The following SDK2 variants were observed in gnomAD, a reference collection of about 807,000 sequenced individuals.
SDK2 encodes protein sidekick-2.
A neutral mutation model predicts 253.9 loss-of-function variants in SDK2; 105 were observed. That is an observed-to-expected ratio of 0.41 (90% CI 0.35 to 0.49). SDK2 has a LOEUF of 0.49. Among genes scored for constraint, SDK2 ranks in the 20% least tolerant of loss-of-function variants. The pLI is 0.06. For missense variants in SDK2, 2,608 were observed against 3,003.0 expected (o/e 0.87, Z 3.07); for synonymous variants, 1,249 against 1,234.9 (o/e 1.01, Z -0.24).
chr17:73,613,065 C>T (rs2143139521), intron 1 of SDK2, among the ~76,000 whole-genome samples: 1 of 152,358 alleles, frequency 6.6e-6, no homozygotes, highest in East Asian at 1.9e-4. Context: ...TGAACAAACA[C>T]ACCAAGGTCC....
In SDK2 at chr17:73,393,632, C is replaced by T. The variant is rs2062947030; in HGVS notation, c.3826G>A (p.Val1276Met). 6.3e-7 allele frequency: 1 copy of T among 1,597,772 alleles called. No individual in the cohort carries two copies. The highest frequency in any genetic ancestry group is 1.7e-5 in the Admixed American group (1 of 59,490). Residue 1276 changes from valine to methionine, a missense_variant, in exon 27 of 45, where the codon GTG becomes ATG. Physicochemically the swap from Val to Met is conservative, Grantham distance 21. Transcript: ENST00000392650. ...TCCCCGATGCGTGTGAAGGCCAGCA[C>T]CTGGACTTCATAGAGCACGTATTTG... ...LGKYVLYEVQ[V>M]LAFTRIGDGS...
chr17:73,594,193 G>C (rs533804804), intron 1 of SDK2, among the ~76,000 whole-genome samples: 46 of 152,308 alleles, frequency 3.0e-4, no homozygotes, highest in African/African-American at 1.1e-3. Context: ...GTTGGACAGC[G>C]GGAAGGCGGC....
At chr17:73,416,834 C>T (rs974799331) in intron 16 of SDK2, among the ~76,000 whole-genome samples, 1 of 151,232 alleles carries the variant, frequency 6.6e-6, no homozygotes. Context: ...CGTGATCCAC[C>T]TGCCTCAGCC....
chr17:73,357,784 C>T (rs550771701), intron 40 of SDK2: 10 of 497,920 alleles, frequency 2.0e-5, no homozygotes, highest in Middle Eastern at 5.2e-4. Flanking sequence ...GTGTGACCCA[C>T]GTGAGCCACG....
intron 18 of SDK2, among the ~76,000 whole-genome samples, chr17:73,414,007 T>C (rs918062616): frequency 3.3e-5 from 5 of 152,034 alleles, no homozygotes; most frequent in African/African-American, 1.2e-4. Flanking sequence ...CATGGGGCCA[T>C]GGCTATACCA....
chr17:73,416,621 G>A (rs537046446), intron 16 of SDK2, among the ~76,000 whole-genome samples: 5 of 151,978 alleles, frequency 3.3e-5, no homozygotes, highest in Non-Finnish European at 5.9e-5. Context: ...ATGGAGTCTC[G>A]CTCTTTCACC....
chr17:73,561,999 G>T (rs150621822), intron 1 of SDK2, among the ~76,000 whole-genome samples: 1 of 152,132 alleles, frequency 6.6e-6, no homozygotes, highest in African/African-American at 2.4e-5. Flanking sequence ...GGTGGTGTGC[G>T]CCTGTAATCC....
chr17:73,354,509 T>C (rs542904174), intron 40 of SDK2, among the ~76,000 whole-genome samples: 1 of 152,238 alleles, frequency 6.6e-6, no homozygotes, highest in South Asian at 2.1e-4. Context: ...AGCCTGGCCC[T>C]GAGAGAGGGT....
At chr17:73,353,853 T>C (rs981220977) in intron 40 of SDK2, among the ~76,000 whole-genome samples, 2 of 151,392 alleles carry the variant, frequency 1.3e-5, no homozygotes, top group African/African-American at 4.9e-5. Flanking sequence ...ACAGGCTTAC[T>C]CCACCACGCC....
intron 1 of SDK2, among the ~76,000 whole-genome samples, chr17:73,537,534 T>C (rs7221072): frequency 0.67 from 101,956 of 151,440 alleles, 35,381 homozygotes; most frequent in African/African-American, 0.84. Context: ...AGGCAGAGGG[T>C]GGAAGGGATG....
chr17:73,433,456 T>C (rs2063343094), intron 10 of SDK2, among the ~76,000 whole-genome samples: 2 of 152,170 alleles, frequency 1.3e-5, no homozygotes, highest in South Asian at 4.2e-4. Flanking sequence ...CCGGCTAATT[T>C]TGGTATTTTT....
chr17:73,632,377 C>G (rs571961641), intron 1 of SDK2, among the ~76,000 whole-genome samples: 2 of 152,338 alleles, frequency 1.3e-5, no homozygotes, highest in East Asian at 3.9e-4. Context: ...CTTCCAGCCT[C>G]CATCTTTCTC....
rs60596233 is a variant in SDK2, at chr17:73,591,079, C to G, written c.64+52946G>C. Among the ~76,000 whole-genome samples, 696 of 152,264 alleles carry G rather than the reference C, an allele frequency of 4.6e-3. 3 individuals carry two copies. Among genetic ancestry groups the G allele is most frequent in the African/African-American group, 0.016 (663 of 41,544 alleles). The stretch of plus-strand genomic sequence containing the variant: ...GGACTACAGGCGCCTGCCACTACAC[C>G]TGGCTAATTTTTGTACTTTTAGTAG... On this transcript the variant is annotated intron_variant, in intron 1 of 44. Transcript: ENST00000392650.
At chr17:73,483,675 A>G (rs1327356524) in intron 2 of SDK2, among the ~76,000 whole-genome samples, 22,423 of 67,960 alleles carry the variant, frequency 0.33, 4,610 homozygotes, top group Admixed American at 0.38. Context: ...ATATATATAT[A>G]TATATATTTA....
chr17:73,544,279 C>G (rs1423707071), intron 1 of SDK2, among the ~76,000 whole-genome samples: 1 of 152,194 alleles, frequency 6.6e-6, no homozygotes, highest in East Asian at 1.9e-4. Context: ...TTCCTGGACT[C>G]CCCAGTGGAT....
chr17:73,485,185 G>A (rs2063762048), intron 2 of SDK2, among the ~76,000 whole-genome samples: 1 of 152,184 alleles, frequency 6.6e-6, no homozygotes, highest in Non-Finnish European at 1.5e-5. Flanking sequence ...GGACTTGGTA[G>A]GGTGTGTGTA....
Position 73,642,705 on chromosome 17 carries a change from T to A in SDK2, c.64+1320A>T. Among the ~76,000 whole-genome samples the A allele has an allele frequency of 6.6e-6, 1 of 152,240 alleles. No individual in the cohort carries two copies. The highest frequency in any genetic ancestry group is 1.9e-4 in the East Asian group (1 of 5,200). On this transcript the variant is annotated intron_variant, in intron 1 of 44. Coordinates refer to ENST00000392650, the MANE Select transcript of SDK2 (RefSeq NM_001144952.2). This position sits in a 1 kb window ranked among gnomAD's most constrained non-coding sequence, Gnocchi z 4.7. ...TAGAATAAGATGACCTCTGAGGTCC[T>A]CGCTTGTTCAAAGATTTTATGATGA...
intron 15 of SDK2, 118 bp from the exon 16 acceptor site, chr17:73,419,424 G>T: frequency 1.8e-6 from 2 of 1,106,246 alleles, no homozygotes; most frequent in Non-Finnish European, 2.6e-6. Context: ...CAACTGCTGT[G>T]TGCATCTGGG....
chr17:73,371,588 G>A (rs1057333907), intron 36 of SDK2, among the ~76,000 whole-genome samples: 2 of 152,130 alleles, frequency 1.3e-5, no homozygotes, highest in East Asian at 1.9e-4. Context: ...CAGAGGAATC[G>A]GAGGGAGTGA....
Sources: gnomAD v4.1 joint callset for allele counts (sites outside exome capture counted in the v4.1 genomes callset) on GRCh38, gnomAD v4.1.1 for gene constraint, Gnocchi (gnomAD v3.1) non-coding constraint, MANE v1.5 for transcripts, NCBI Gene and HGNC (gene_info 2026-07-23, HGNC 2026-07-21) for gene names.